The following CAP2 variants were observed in gnomAD, a reference collection of about 807,000 sequenced individuals.
The protein encoded by CAP2 is cyclase associated actin cytoskeleton regulatory protein 2.
Under a neutral mutation model 57.7 loss-of-function variants are expected in CAP2, and 24 were observed. The observed-to-expected ratio is 0.42, with a 90% CI of 0.30 to 0.58. The LOEUF is 0.58. Among genes scored for constraint, CAP2 ranks in the 20% least tolerant of loss-of-function variants. The probability of loss-of-function intolerance (pLI) is 0.22; values close to 1 mark genes in which losing one functional copy is unlikely to be tolerated. For synonymous variants in CAP2, 194 were observed against 207.2 expected (o/e 0.94, Z 0.55); for missense variants, 501 against 590.3 (o/e 0.85, Z 1.57).
intron 4 of CAP2, among the ~76,000 whole-genome samples, chr6:17,503,829 T>G (rs938751954): frequency 3.9e-5 from 6 of 152,192 alleles, no homozygotes; most frequent in African/African-American, 1.4e-4. Flanking sequence ...ACAACTCTGA[T>G]TCAAGGTCTT....
At chr6:17,420,126 T>A (rs550389524) in intron 1 of CAP2, among the ~76,000 whole-genome samples, 180 of 152,272 alleles carry the variant, frequency 1.2e-3, no homozygotes, top group Non-Finnish European at 1.9e-3. Context: ...TGCCTCAGCC[T>A]CCCAAAGTGC....
chr6:17,474,168 CAG>C, intron 4 of CAP2, among the ~76,000 whole-genome samples: 1 of 138,348 alleles, frequency 7.2e-6, no homozygotes, highest in Non-Finnish European at 1.5e-5. Flanking sequence ...CTAATCAAGA[CAG>C]AGGAAAAAAA....
intron 4 of CAP2, among the ~76,000 whole-genome samples, chr6:17,467,820 G>A (rs972099877): frequency 6.6e-6 from 1 of 152,110 alleles, no homozygotes; most frequent in Admixed American, 6.5e-5. Flanking sequence ...ACAGCACCCG[G>A]CCTACTCTTC....
chr6:17,440,737 T>G (rs530404037), intron 3 of CAP2, among the ~76,000 whole-genome samples: 18 of 151,364 alleles, frequency 1.2e-4, no homozygotes, highest in African/African-American at 4.4e-4. Context: ...TTGTTACATA[T>G]GTACTCATGT....
intron 4 of CAP2, among the ~76,000 whole-genome samples, chr6:17,504,944 T>A (rs569406429): frequency 6.6e-6 from 1 of 152,328 alleles, no homozygotes; most frequent in South Asian, 2.1e-4. Context: ...TATAGATGTC[T>A]GTTTGGAGCT....
intron 7 of CAP2, among the ~76,000 whole-genome samples, chr6:17,538,237 G>A (rs1055632426): frequency 2.0e-5 from 3 of 151,344 alleles, no homozygotes; most frequent in Non-Finnish European, 2.9e-5. Flanking sequence ...ATTACTTAAA[G>A]CCAGGAGTTC....
In CAP2 at chr6:17,531,081, C is replaced by G. The variant is rs890044664; in HGVS notation, c.637-8188C>G. 5 of 766,762 alleles carry G rather than the reference C, an allele frequency of 6.5e-6. No homozygotes were observed. In the African/African-American group the frequency reaches 6.8e-5, roughly 10 times the overall value. The allele number at this position is 766,762 out of a possible 1,614,324, so 47.5% of individuals were successfully genotyped here. A position where few individuals can be genotyped will look rare whatever the true frequency, so the allele number is the denominator to read the frequency against. On this transcript the variant is annotated intron_variant, in intron 7 of 12. Transcript: ENST00000229922. ...ATAGATCTCATGAATCAGATCCTCC[C>G]TGCAGATGATGCCATATTTACCGAG...
chr6:17,528,703 ACTGT>A (rs1452525588), intron 7 of CAP2, among the ~76,000 whole-genome samples: 3 of 152,202 alleles, frequency 2.0e-5, no homozygotes, highest in African/African-American at 7.2e-5. Flanking sequence ...TATTTGTGGG[ACTGT>A]CTTTTTATTT....
intron 12 of CAP2, among the ~76,000 whole-genome samples, chr6:17,555,199 AT>A (rs889140546): frequency 1.1e-3 from 158 of 149,546 alleles, no homozygotes; most frequent in Middle Eastern, 3.4e-3. Context: ...CAGAATCTGC[AT>A]TTTTTTTTTC....
intron 3 of CAP2, among the ~76,000 whole-genome samples, chr6:17,456,101 C>T (rs533457209): frequency 6.6e-6 from 1 of 152,294 alleles, no homozygotes; most frequent in African/African-American, 2.4e-5. Context: ...AGTGCAGTGT[C>T]CAGACTTGAA....
chr6:17,433,857 T>C (rs1053828581), intron 3 of CAP2, among the ~76,000 whole-genome samples: 14 of 152,224 alleles, frequency 9.2e-5, no homozygotes, highest in African/African-American at 3.4e-4. Context: ...CCTTTTTTAC[T>C]TAAAGTTTGT....
chr6:17,415,440 C>T lies in CAP2; in HGVS notation c.-1-6115C>T, dbSNP rs147289008. On this transcript the variant is annotated intron_variant, in intron 1 of 12. Coordinates refer to ENST00000229922, the MANE Select transcript of CAP2 (RefSeq NM_006366.3). ...TCATGGGAGGGAGCCACTGTGGTTC[C>T]AAGTAGGAAAAACTAATCTAGCATC... 5.7e-4 allele frequency among the ~76,000 whole-genome samples: 87 copies of T among 152,300 alleles called. No individual in the cohort carries two copies. In the East Asian group the frequency reaches 0.015, roughly 27 times the overall value.
intron 3 of CAP2, among the ~76,000 whole-genome samples, chr6:17,440,660 C>T (rs1760049196): frequency 2.1e-5 from 3 of 145,098 alleles, no homozygotes. Context: ...TTTTAATGTT[C>T]AATTCTGTAT....
chr6:17,430,919 G>A (rs1284665543), intron 3 of CAP2, among the ~76,000 whole-genome samples: 1 of 152,110 alleles, frequency 6.6e-6, no homozygotes, highest in Non-Finnish European at 1.5e-5. Flanking sequence ...TAATTGATGT[G>A]ACAAATAGGA....
At chr6:17,409,897 G>T (rs994786860) in intron 1 of CAP2, among the ~76,000 whole-genome samples, 1 of 151,846 alleles carries the variant, frequency 6.6e-6, no homozygotes, top group Non-Finnish European at 1.5e-5. Context: ...TCTTCAACCC[G>T]CTGTCACTTT....
chr6:17,430,540 GTT>G (rs397949018), intron 3 of CAP2, among the ~76,000 whole-genome samples: 2 of 138,584 alleles, frequency 1.4e-5, no homozygotes, highest in Admixed American at 7.3e-5. Flanking sequence ...GTGACTTTGG[GTT>G]TTTTTTTTTT....
intron 4 of CAP2, among the ~76,000 whole-genome samples, chr6:17,473,031 G>A (rs1167435472): frequency 6.7e-6 from 1 of 149,540 alleles, no homozygotes; most frequent in African/African-American, 2.6e-5. Context: ...CATCACTCAT[G>A]GTGACCTTTT....
chr6:17,497,669 T>G (rs925523457), intron 4 of CAP2, among the ~76,000 whole-genome samples: 1 of 152,248 alleles, frequency 6.6e-6, no homozygotes, highest in African/African-American at 2.4e-5. Context: ...ACTCATGTTG[T>G]CAAGTTCCCT....
At chr6:17,457,185 C>G (rs915092187) in intron 3 of CAP2, among the ~76,000 whole-genome samples, 3 of 152,228 alleles carry the variant, frequency 2.0e-5, no homozygotes, top group African/African-American at 7.2e-5. Flanking sequence ...CCTCTCTGCA[C>G]ACACATGCTC....
Sources: allele counts gnomAD v4.1 joint callset (sites outside exome capture counted in the v4.1 genomes callset), GRCh38; gene constraint gnomAD v4.1.1; transcripts MANE v1.5; gene names NCBI Gene and HGNC (gene_info 2026-07-23, HGNC 2026-07-21).